Variants in ZNF638 observed in about 807,000 individuals in gnomAD.
The protein encoded by ZNF638 is zinc finger protein 638, also known as CTCL tumor antigen se33-1.
Under a neutral mutation model 195.6 loss-of-function variants are expected in ZNF638, and 46 were observed. That is an observed-to-expected ratio of 0.24 (90% CI 0.19 to 0.30). The LOEUF is 0.30. Among genes scored for constraint, ZNF638 ranks in the 10% least tolerant of loss-of-function variants. The pLI is 1.00. For missense variants in ZNF638, 2,440 were observed against 2,325.3 expected, an observed-to-expected ratio of 1.05 and a Z score of -1.01; for synonymous variants, 845 against 772.0, an observed-to-expected ratio of 1.09 and a Z score of -1.57.
At chr2:71,350,856 G>A (rs551609367) in intron 2 of ZNF638, among the ~76,000 whole-genome samples, 14 of 152,112 alleles carry the variant, frequency 9.2e-5, no homozygotes, top group Admixed American at 2.0e-4. Context: ...GACCAGCTGT[G>A]GACTCAGAAA....
intron 16 of ZNF638, among the ~76,000 whole-genome samples, chr2:71,403,331 T>C (rs2080043495): frequency 6.6e-6 from 1 of 152,100 alleles, no homozygotes; most frequent in Admixed American, 6.5e-5. Context: ...CTATCAAATA[T>C]ATGGAAGAAG....
At chr2:71,356,542 C>T (rs1011558533) in intron 3 of ZNF638, among the ~76,000 whole-genome samples, 5 of 152,142 alleles carry the variant, frequency 3.3e-5, no homozygotes, top group East Asian at 3.9e-4. Context: ...GTAATCTGAG[C>T]ACTTTGGAAG....
At chr2:71,427,747 T>G (rs745372065) in intron 24 of ZNF638, among the ~76,000 whole-genome samples, 1 of 152,216 alleles carries the variant, frequency 6.6e-6, no homozygotes, top group Non-Finnish European at 1.5e-5. Context: ...GAAGAACATT[T>G]ACATCAGATT....
At chr2:71,363,319 C>G in intron 4 of ZNF638, 128 bp downstream of exon 4, 1 of 664,758 alleles carries the variant, frequency 1.5e-6, no homozygotes. Context: ...GCAAAAACCT[C>G]TATGAATCTT....
intron 1 of ZNF638, among the ~76,000 whole-genome samples, chr2:71,347,783 A>C (rs2078875676): frequency 6.6e-6 from 1 of 152,230 alleles, no homozygotes. Flanking sequence ...TAACTAATAA[A>C]GTGCCTGGAA....
intron 10 of ZNF638, among the ~76,000 whole-genome samples, chr2:71,385,302 T>A (rs2079614093): frequency 6.6e-6 from 1 of 152,154 alleles, no homozygotes; most frequent in South Asian, 2.1e-4. Flanking sequence ...CCCAGAGAAA[T>A]GAAAACTTAG....
intron 18 of ZNF638, among the ~76,000 whole-genome samples, 163 bp from the exon 19 acceptor site, chr2:71,405,965 G>A (rs997118534): frequency 9.9e-5 from 15 of 152,022 alleles, no homozygotes; most frequent in Non-Finnish European, 8.8e-5. Flanking sequence ...CTGATTACTC[G>A]TACGTAAAAT....
At chr2:71,345,178 C>G (rs1423844016) in intron 1 of ZNF638, among the ~76,000 whole-genome samples, 1 of 152,076 alleles carries the variant, frequency 6.6e-6, no homozygotes, top group Non-Finnish European at 1.5e-5. Flanking sequence ...AATGTTATCA[C>G]AGGTATGGAT....
In ZNF638 at chr2:71,364,184, G is replaced by A. The variant is rs1203765261; in HGVS notation, c.1649G>A (p.Arg550Lys). The change falls in exon 5 of 28, where the codon AGA becomes AAA. Residue 550 changes from arginine to lysine, a missense_variant. Arg to Lys is a conservative substitution (Grantham distance 26, BLOSUM62 2). This residue lies in a region of ZNF638 where 1,883 missense variants were observed against 1,739.1 expected (regional missense o/e 1.08). Transcript: ENST00000264447. Reference sequence around the variant, plus strand: ...CCATATCGAATTAGAAATCCATTTAGAGGTAGTCCAAAATGCTTTCGATCA... The same window carrying A: ...CCATATCGAATTAGAAATCCATTTAAAGGTAGTCCAAAATGCTTTCGATCA... ...RSPYRIRNPFRGSPKCFRSVS... is the reference protein window; with the variant it reads ...RSPYRIRNPFKGSPKCFRSVS... 6.2e-7 allele frequency: 1 copy of A among 1,614,182 alleles called. No individual in the cohort carries two copies. The highest frequency in any genetic ancestry group is 2.2e-5 in the East Asian group (1 of 44,876).
At position 71,402,041 on chromosome 2, in the gene ZNF638, C is replaced by T. The variant is rs754418855; in HGVS notation, c.2783C>T (p.Pro928Leu). 1.9e-6 allele frequency: 3 copies of T among 1,606,908 alleles called. No homozygotes were observed. Among genetic ancestry groups the T allele is most frequent in the Non-Finnish European group, 1.7e-6 (2 of 1,176,310 alleles). ...GAAGAAGTTTATGACTTAGCAAAAC[C>T]ATTTGGTGGTTTAAAGGATATCTTG... ...SVEEVYDLAK[P>L]FGGLKDILIL... is the part of the protein sequence containing the mutation. Residue 928 changes from proline (P) to leucine (L), a missense_variant, in exon 16 of 28, where the codon CCA (proline) becomes CTA (leucine). By Grantham distance (98) the Pro-to-Leu change is moderately conservative (BLOSUM62 -3). Around this residue, in one of 5 missense-constraint regions of ZNF638, gnomAD observed 1,883 missense variants for 1,739.1 expected, o/e 1.08. Transcript: ENST00000264447.
intron 25 of ZNF638, among the ~76,000 whole-genome samples, chr2:71,429,729 T>C (rs1040425511): frequency 4.6e-5 from 7 of 152,240 alleles, no homozygotes; most frequent in African/African-American, 1.7e-4. Context: ...AAAATGATGT[T>C]GATGAAACCC....
At chr2:71,391,786 G>C (rs1024540051) in intron 10 of ZNF638, among the ~76,000 whole-genome samples, 2 of 152,194 alleles carry the variant, frequency 1.3e-5, no homozygotes, top group African/African-American at 4.8e-5. Flanking sequence ...TATCCTAAAA[G>C]GCAGTGCTGC....
At chr2:71,434,660 TATAA>T in intron 27 of ZNF638, 78 bp from the exon 28 acceptor site, 1 of 1,149,370 alleles carries the variant, frequency 8.7e-7, no homozygotes, top group Non-Finnish European at 1.2e-6. Flanking sequence ...TCTTTTAAAT[TATAA>T]ATATACAGTA....
At chr2:71,425,249 C>G (rs991284673) in intron 23 of ZNF638, among the ~76,000 whole-genome samples, 1 of 151,740 alleles carries the variant, frequency 6.6e-6, no homozygotes, top group East Asian at 1.9e-4. Context: ...CTTTTCTTAC[C>G]TGGTAGGGGA....
chr2:71,400,059 GT>G, intron 13 of ZNF638, 52 bp from the exon 14 acceptor site: 1 of 1,421,054 alleles, frequency 7.0e-7, no homozygotes, highest in Non-Finnish European at 9.6e-7. Context: ...AGATTCATTA[GT>G]TTAATTATAT....
intron 18 of ZNF638, 149 bp downstream of exon 18, chr2:71,405,791 A>C: frequency 1.5e-6 from 1 of 687,722 alleles, no homozygotes; most frequent in Non-Finnish European, 2.4e-6. Flanking sequence ...TGGTAACAAT[A>C]AAAAAATAAA....
chr2:71,377,477 A>G (rs2079452433), intron 8 of ZNF638, among the ~76,000 whole-genome samples: 1 of 152,254 alleles, frequency 6.6e-6, no homozygotes, highest in Non-Finnish European at 1.5e-5. Flanking sequence ...GTTAGTGAAT[A>G]TTTGAGCATT....
chr2:71,331,850 T>C lies in ZNF638; in HGVS notation c.-228T>C. On this transcript the variant is annotated 5_prime_UTR_variant, in exon 1 of 28. Coordinates refer to ENST00000264447, the MANE Select transcript of ZNF638 (RefSeq NM_014497.5). Reference sequence around the variant, plus strand: ...TAAACTGTGTGGGGCGCGGATGGGATCCAGCTGTTAGTCGGGTAGGCATAG... The same window carrying C: ...TAAACTGTGTGGGGCGCGGATGGGACCCAGCTGTTAGTCGGGTAGGCATAG... 1.0e-6 allele frequency: 1 copy of C among 986,298 alleles called. No homozygotes were observed. The allele number at this position is 986,298 out of a possible 1,614,324, so 61.1% of individuals were successfully genotyped here.
chr2:71,337,767 T>C (rs548440607), intron 1 of ZNF638, among the ~76,000 whole-genome samples: 1 of 123,092 alleles, frequency 8.1e-6, no homozygotes, highest in South Asian at 2.5e-4. Context: ...TATTGTTTTT[T>C]ATAGCAGTTT....
Sources: allele counts gnomAD v4.1 joint callset (sites outside exome capture counted in the v4.1 genomes callset), GRCh38; gene constraint gnomAD v4.1.1; regional missense constraint gnomAD v4.1.1; transcripts MANE v1.5; gene names NCBI Gene and HGNC (gene_info 2026-07-23, HGNC 2026-07-21).